The following ZNRF3 variants were observed in gnomAD, a reference collection of about 807,000 sequenced individuals.
The protein encoded by ZNRF3 is zinc and ring finger 3, also known as E3 ubiquitin-protein ligase ZNRF3.
Under a neutral mutation model 72.5 loss-of-function variants are expected in ZNRF3, and 23 were observed. That is an observed-to-expected ratio of 0.32 (90% CI 0.23 to 0.45). ZNRF3 has a LOEUF of 0.45. Ranked by LOEUF, ZNRF3 falls within the 20% of genes least tolerant of loss-of-function variation. The pLI is 1.00. For missense variants in ZNRF3, 1,169 were observed against 1,272.1 expected, an observed-to-expected ratio of 0.92 and a Z score of 1.23; for synonymous variants, 610 against 545.3, an observed-to-expected ratio of 1.12 and a Z score of -1.65.
At chr22:28,886,309 CG>C (rs1252157711) in intron 1 of ZNRF3, among the ~76,000 whole-genome samples, 1 of 152,096 alleles carries the variant, frequency 6.6e-6, no homozygotes, top group Non-Finnish European at 1.5e-5. Flanking sequence ...GTTTTAGGGC[CG>C]CTGAGAGGGA....
chr22:28,905,811 T>C (rs2034195914), intron 1 of ZNRF3, among the ~76,000 whole-genome samples: 1 of 152,150 alleles, frequency 6.6e-6, no homozygotes, highest in Non-Finnish European at 1.5e-5. Flanking sequence ...CTTGGGACCT[T>C]ATACTGTTTT....
chr22:28,970,884 G>A (rs1250493849), intron 1 of ZNRF3, among the ~76,000 whole-genome samples: 2 of 152,186 alleles, frequency 1.3e-5, no homozygotes, highest in East Asian at 1.9e-4. Flanking sequence ...TGGACTATCA[G>A]GGAACAAGAA....
chr22:28,903,956 C>T (rs376365089), intron 1 of ZNRF3, among the ~76,000 whole-genome samples: 9 of 152,076 alleles, frequency 5.9e-5, no homozygotes, highest in African/African-American at 1.7e-4. Context: ...AGCAAGCCAG[C>T]GAGGTCAGTG....
intron 1 of ZNRF3, among the ~76,000 whole-genome samples, chr22:28,920,531 A>T (rs955456431): frequency 1.3e-4 from 20 of 152,344 alleles, no homozygotes; most frequent in Admixed American, 1.0e-3. Context: ...TCGGCCTCCC[A>T]GAGTACTGGG....
intron 1 of ZNRF3, among the ~76,000 whole-genome samples, chr22:28,902,623 T>G (rs2034130111): frequency 6.6e-6 from 1 of 152,220 alleles, no homozygotes; most frequent in African/African-American, 2.4e-5. Context: ...TGGGAGAGGC[T>G]GCAGAGTGCT....
chr22:28,886,741 T>G (rs961062295), intron 1 of ZNRF3, among the ~76,000 whole-genome samples: 11 of 152,230 alleles, frequency 7.2e-5, no homozygotes, highest in African/African-American at 2.6e-4. Context: ...GGAGGATTGC[T>G]TGAGCCTAGG....
intron 2 of ZNRF3, among the ~76,000 whole-genome samples, chr22:29,035,615 G>A (rs1024122333): frequency 3.3e-5 from 5 of 152,084 alleles, no homozygotes; most frequent in South Asian, 2.1e-4. Context: ...TCGCTCTGTC[G>A]CCCAGGCTGG....
At chr22:28,887,233 AGAGT>A (rs1383363954) in intron 1 of ZNRF3, among the ~76,000 whole-genome samples, 86 of 72,882 alleles carry the variant, frequency 1.2e-3, no homozygotes, top group African/African-American at 2.3e-3. Context: ...AGAGAGAGAG[AGAGT>A]GTGTGTGTGT....
At position 29,050,287 on chromosome 22, in the gene ZNRF3, G is replaced by A; in HGVS notation, c.2106G>A (p.Lys702=). ...GAAPDLRRTW[K]GGHELPSCAC... is the part of the protein sequence containing the mutation. ...CCCCTGACCTCAGGAGGACCTGGAA[G>A]GGGGGCCACGAGTTGCCGTCGTGTG... The change falls in exon 8 of 9, where the codon AAG becomes AAA. Residue 702 remains lysine, a synonymous_variant. Coordinates refer to ENST00000544604, the MANE Select transcript of ZNRF3 (RefSeq NM_001206998.2). 6.3e-7 allele frequency: 1 copy of A among 1,597,760 alleles called. No individual in the cohort carries two copies. The highest frequency in any genetic ancestry group is 8.5e-7 in the Non-Finnish European group (1 of 1,178,232).
At chr22:29,029,389 A>G (rs1304584916) in intron 2 of ZNRF3, among the ~76,000 whole-genome samples, 2 of 152,198 alleles carry the variant, frequency 1.3e-5, no homozygotes, top group East Asian at 1.9e-4. Context: ...TGCCTTCTCA[A>G]TGAGTTTACC....
chr22:28,994,479 G>A (rs914332108), intron 2 of ZNRF3, among the ~76,000 whole-genome samples: 1 of 151,986 alleles, frequency 6.6e-6, no homozygotes, highest in South Asian at 2.1e-4. Context: ...ATGAGCCACC[G>A]CTCCCGGCTC....
chr22:28,937,168 T>A, intron 1 of ZNRF3, among the ~76,000 whole-genome samples: 1 of 134,296 alleles, frequency 7.4e-6, no homozygotes, highest in African/African-American at 3.1e-5. Context: ...CCTACTTCTC[T>A]CTTATAATAT....
chr22:28,978,481 C>T (rs1320730611), intron 1 of ZNRF3, among the ~76,000 whole-genome samples: 2 of 152,184 alleles, frequency 1.3e-5, no homozygotes, highest in African/African-American at 4.8e-5. Flanking sequence ...GATGTCCACT[C>T]CTCAGTGCAG....
chr22:28,938,607 T>C (rs1031083087), intron 1 of ZNRF3, among the ~76,000 whole-genome samples: 50 of 152,326 alleles, frequency 3.3e-4, no homozygotes, highest in African/African-American at 1.1e-3. Flanking sequence ...AGGCTGTCTC[T>C]GGTACTTTGG....
rs768617256 is a variant in ZNRF3, at chr22:29,050,712, C to T, written c.2531C>T (p.Ser844Leu). The T allele has an allele frequency of 1.9e-6, 3 of 1,611,668 alleles. No homozygotes were observed. Among genetic ancestry groups the T allele is most frequent in the Non-Finnish European group, 2.5e-6 (3 of 1,179,268 alleles). ...GTGGACTGTGATCTGGGCCTGCCCT[C>T]GGACTGCCAAGGGACCCACAGCCTC... ...EDVDCDLGLP[S>L]DCQGTHSLGS... The change falls in exon 8 of 9, where the codon TCG (serine) becomes TTG (leucine). Residue 844 changes from serine to leucine, a missense_variant. By Grantham distance (145) the Ser-to-Leu change is moderately radical. Transcript: ENST00000544604.
chr22:28,970,190 C>T (rs1435820360), intron 1 of ZNRF3, among the ~76,000 whole-genome samples: 1 of 151,996 alleles, frequency 6.6e-6, no homozygotes, highest in Non-Finnish European at 1.5e-5. Context: ...GTACACAACC[C>T]AATTAAAAGC....
chr22:29,014,472 G>A (rs2123854955), intron 2 of ZNRF3, among the ~76,000 whole-genome samples: 1 of 152,192 alleles, frequency 6.6e-6, no homozygotes, highest in East Asian at 1.9e-4. Context: ...CTGCTCAGAA[G>A]CTAGGCTTAC....
chr22:28,914,355 T>C (rs2034370897), intron 1 of ZNRF3, among the ~76,000 whole-genome samples: 1 of 152,166 alleles, frequency 6.6e-6, no homozygotes, highest in South Asian at 2.1e-4. Flanking sequence ...CTCTGCTGAC[T>C]CTAGCTGCCC....
At chr22:28,913,800 T>G (rs1000762938) in intron 1 of ZNRF3, among the ~76,000 whole-genome samples, 3 of 152,110 alleles carry the variant, frequency 2.0e-5, no homozygotes, top group African/African-American at 7.2e-5. Context: ...CTTGTAGGCA[T>G]TTTGTAGCCT....
Sources: gnomAD v4.1 joint callset for allele counts (sites outside exome capture counted in the v4.1 genomes callset) on GRCh38, gnomAD v4.1.1 for gene constraint, MANE v1.5 for transcripts, NCBI Gene and HGNC (gene_info 2026-07-23, HGNC 2026-07-21) for gene names.